Variants in GPHN observed in about 807,000 individuals in gnomAD.
GPHN encodes the protein gephyrin.
Under a neutral mutation model 95.5 loss-of-function variants are expected in GPHN, and 17 were observed. The ratio of observed to expected loss-of-function variants is 0.18; its 90% CI spans 0.12 to 0.27. The LOEUF is 0.27. Ranked by LOEUF, GPHN falls within the 10% of genes least tolerant of loss-of-function variation. GPHN has a pLI of 1.00. For synonymous variants in GPHN, 320 were observed against 322.5 expected (o/e 0.99, Z 0.08); for missense variants, 660 against 978.1 (o/e 0.67, Z 4.34).
the GPHN span, chr14:67,674,495 A>T: frequency 6.3e-7 from 1 of 1,596,436 alleles, no homozygotes; most frequent in Non-Finnish European, 8.5e-7. Flanking sequence ...GCCATGGCGC[A>T]GGCCGCGCTG....
chr14:66,720,257 A>G (rs1417302631), intron 2 of GPHN, among the ~76,000 whole-genome samples: 1 of 152,206 alleles, frequency 6.6e-6, no homozygotes, highest in Non-Finnish European at 1.5e-5. Context: ...GTTCAAATTT[A>G]AAGTAGTTGG....
the GPHN span, among the ~76,000 whole-genome samples, chr14:67,405,671 T>G: frequency 6.6e-6 from 1 of 152,224 alleles, no homozygotes; most frequent in African/African-American, 2.4e-5. Flanking sequence ...AGGCTTCTTA[T>G]TGGCATTCTC....
intron 5 of GPHN, among the ~76,000 whole-genome samples, chr14:66,889,000 G>C (rs1268980549): frequency 2.0e-5 from 3 of 152,034 alleles, no homozygotes; most frequent in Non-Finnish European, 4.4e-5. Context: ...GTTTACAAGA[G>C]ACAAAGGATA....
intron 1 of GPHN, among the ~76,000 whole-genome samples, chr14:66,555,121 A>C (rs554066277): frequency 6.6e-6 from 1 of 151,588 alleles, no homozygotes; most frequent in African/African-American, 2.4e-5. Context: ...AAAAATCCCC[A>C]CAAAAAAAAC....
chr14:67,240,469 C>T, the GPHN span, among the ~76,000 whole-genome samples: 13 of 152,126 alleles, frequency 8.5e-5, no homozygotes, highest in Non-Finnish European at 1.3e-4. Flanking sequence ...AACTGTGCCC[C>T]CGGGCTGGAG....
At chr14:66,745,395 G>A (rs2058101593) in intron 2 of GPHN, among the ~76,000 whole-genome samples, 4 of 151,886 alleles carry the variant, frequency 2.6e-5, no homozygotes, top group African/African-American at 2.4e-5. Context: ...ATTGTTCACC[G>A]TACTCTTATC....
chr14:67,626,258 G>GA, the GPHN span, among the ~76,000 whole-genome samples: 2,609 of 146,840 alleles, frequency 0.018, 81 homozygotes, highest in African/African-American at 0.06. Flanking sequence ...TGTCTCAGGG[G>GA]AAAAAAAAAA....
In GPHN at chr14:67,039,996, A is replaced by G. The variant is rs551334013; in HGVS notation, c.1006+16321A>G. 3.3e-5 allele frequency among the ~76,000 whole-genome samples: 5 copies of G among 152,216 alleles called. No individual in the cohort carries two copies. The East Asian group carries it at 9.6e-4, about 29-fold the overall frequency. Reference sequence around the variant, plus strand: ...TTCTTCCTCAAAGAGGTGATAATCTAGTTAAGAAAATGGACATGTATATAA... The same window carrying G: ...TTCTTCCTCAAAGAGGTGATAATCTGGTTAAGAAAATGGACATGTATATAA... On this transcript the variant is annotated intron_variant, in intron 10 of 22. Coordinates refer to ENST00000478722, the MANE Select transcript of GPHN (RefSeq NM_020806.5).
At chr14:66,584,820 G>A (rs1227778319) in intron 1 of GPHN, among the ~76,000 whole-genome samples, 1 of 152,044 alleles carries the variant, frequency 6.6e-6, no homozygotes, top group African/African-American at 2.4e-5. Flanking sequence ...TTGCATCAAT[G>A]TTCATCAAGG....
At chr14:67,676,594 C>T in the GPHN span, among the ~76,000 whole-genome samples, 12 of 152,012 alleles carry the variant, frequency 7.9e-5, no homozygotes, top group East Asian at 1.9e-3. Context: ...AAAAATGGCC[C>T]GGGATGATCA....
chr14:67,321,373 C>T, the GPHN span: 18 of 933,684 alleles, frequency 1.9e-5, no homozygotes, highest in East Asian at 4.9e-5. Context: ...AGTTCTCATA[C>T]GGTTTTTCCC....
At chr14:67,031,345 T>A (rs1237168467) in intron 10 of GPHN, among the ~76,000 whole-genome samples, 4 of 152,128 alleles carry the variant, frequency 2.6e-5, no homozygotes, top group Non-Finnish European at 5.9e-5. Flanking sequence ...TAGAAAAAAA[T>A]TTCTGTTTAT....
chr14:66,509,016 C>A (rs370825583), intron 1 of GPHN: 14 of 242,406 alleles, frequency 5.8e-5, no homozygotes, highest in East Asian at 2.3e-4. Context: ...ATCTCCACCC[C>A]CTTCCTCTCC....
chr14:67,120,866 A>T (rs2078977448), intron 16 of GPHN, among the ~76,000 whole-genome samples: 1 of 152,202 alleles, frequency 6.6e-6, no homozygotes, highest in Non-Finnish European at 1.5e-5. Flanking sequence ...TAAGTATTCG[A>T]AGGGAAGACT....
intron 5 of GPHN, among the ~76,000 whole-genome samples, chr14:66,905,686 C>T (rs954432746): frequency 1.3e-5 from 2 of 152,010 alleles, no homozygotes; most frequent in South Asian, 4.1e-4. Flanking sequence ...AGGTAATGAG[C>T]GTAGTATACA....
At chr14:66,608,635 C>G (rs2062648532) in intron 1 of GPHN, among the ~76,000 whole-genome samples, 1 of 151,986 alleles carries the variant, frequency 6.6e-6, no homozygotes, top group Admixed American at 6.6e-5. Context: ...TTTTCTAGGT[C>G]AAAAAGGACT....
chr14:67,064,874 CAA>C (rs2075981379), intron 11 of GPHN, among the ~76,000 whole-genome samples: 1 of 151,640 alleles, frequency 6.6e-6, no homozygotes, highest in African/African-American at 2.4e-5. Flanking sequence ...TCGATCCTTT[CAA>C]AAACCAGCTC....
At chr14:67,013,217 T>C (rs117358780) in intron 9 of GPHN, among the ~76,000 whole-genome samples, 1,830 of 152,162 alleles carry the variant, frequency 0.012, 19 homozygotes, top group Non-Finnish European at 0.018. Context: ...TTGATTTTTG[T>C]AGATGTGGAA....
the GPHN span, among the ~76,000 whole-genome samples, chr14:67,246,805 C>T: frequency 6.6e-6 from 1 of 152,214 alleles, no homozygotes; most frequent in East Asian, 1.9e-4. Context: ...GCGCGCACCA[C>T]CACGCCCAGC....
Sources: allele counts gnomAD v4.1 joint callset (sites outside exome capture counted in the v4.1 genomes callset), GRCh38; gene constraint gnomAD v4.1.1; transcripts MANE v1.5; gene names NCBI Gene and HGNC (gene_info 2026-07-23, HGNC 2026-07-21).